Variants in ANKRD11 observed in about 807,000 individuals in gnomAD.
The protein encoded by ANKRD11 is ankyrin repeat domain-containing protein 11.
Under a neutral mutation model 195.7 loss-of-function variants are expected in ANKRD11, and 17 were observed. The ratio of observed to expected loss-of-function variants is 0.09; its 90% CI spans 0.06 to 0.13. The LOEUF is 0.13. Among genes scored for constraint, ANKRD11 ranks in the 10% least tolerant of loss-of-function variants. The pLI is 1.00. For missense variants in ANKRD11, 3,735 were observed against 3,566.1 expected, an observed-to-expected ratio of 1.05 and a Z score of -1.21; for synonymous variants, 1,953 against 1,528.1, an observed-to-expected ratio of 1.28 and a Z score of -6.49.
At chr16:89,467,123 A>G (rs2056912755) in intron 1 of ANKRD11, among the ~76,000 whole-genome samples, 1 of 152,188 alleles carries the variant, frequency 6.6e-6, no homozygotes, top group African/African-American at 2.4e-5. Context: ...TATTGACCAA[A>G]GTTGCCAAAC....
chr16:89,455,650 G>C (rs1342858631), intron 1 of ANKRD11, among the ~76,000 whole-genome samples: 1 of 152,094 alleles, frequency 6.6e-6, no homozygotes, highest in Admixed American at 6.6e-5. Flanking sequence ...GGGCAGGAGA[G>C]AGCTGTGGAG....
intron 2 of ANKRD11, among the ~76,000 whole-genome samples, chr16:89,415,841 A>AAAAAAAAAAAAAAAAAAAAAAC (rs1567774143): frequency 4.1e-5 from 6 of 144,794 alleles, no homozygotes; most frequent in Non-Finnish European, 6.1e-5. Context: ...AAAAAAAAAA[A>AAAAAAAAAAAAAAAAAAAAAAC]AAAAAAAAAC....
intron 2 of ANKRD11, chr16:89,325,129 CAA>C (rs2037624578): frequency 6.5e-6 from 1 of 153,090 alleles, no homozygotes; most frequent in Admixed American, 6.5e-5. Context: ...TGCACAGACA[CAA>C]GAGACACGCG....
chr16:89,319,149 C>T (rs1442999557), intron 2 of ANKRD11, among the ~76,000 whole-genome samples: 4 of 152,210 alleles, frequency 2.6e-5, no homozygotes, highest in African/African-American at 4.8e-5. Flanking sequence ...TAGAGTCCAC[C>T]GTCCTGATCC....
intron 1 of ANKRD11, among the ~76,000 whole-genome samples, chr16:89,432,813 C>T (rs150868906): frequency 8.3e-4 from 126 of 152,086 alleles, no homozygotes; most frequent in Non-Finnish European, 1.6e-3. Context: ...TGGTGGTACA[C>T]GCCTGTGGTC....
chr16:89,304,285 TGCACACATGGGCACACAGGCACACAC>T (rs2036027504), intron 4 of ANKRD11, among the ~76,000 whole-genome samples: 1 of 151,564 alleles, frequency 6.6e-6, no homozygotes, highest in African/African-American at 2.4e-5. Flanking sequence ...CACACAGGCA[TGCACACATGGGCACACAGGCACACAC>T]GTACACATGG....
chr16:89,346,891 A>G (rs2038966092), intron 2 of ANKRD11, among the ~76,000 whole-genome samples: 1 of 152,252 alleles, frequency 6.6e-6, no homozygotes. Context: ...GACTAAACAA[A>G]GTCAAAGGTG....
At chr16:89,427,693 G>T (rs184788876) in intron 1 of ANKRD11, among the ~76,000 whole-genome samples, 114 of 152,106 alleles carry the variant, frequency 7.5e-4, no homozygotes, top group African/African-American at 2.4e-3. Context: ...CAGCTACTTG[G>T]GAGGCTGAGG....
intron 7 of ANKRD11, 153 bp from the exon 8 acceptor site, chr16:89,286,339 A>G: frequency 8.9e-7 from 1 of 1,122,508 alleles, no homozygotes; most frequent in Non-Finnish European, 1.3e-6. Flanking sequence ...GCGCCCAGGG[A>G]CTGCCTGGCG....
intron 1 of ANKRD11, among the ~76,000 whole-genome samples, chr16:89,448,663 C>G (rs1479764394): frequency 1.3e-5 from 2 of 152,184 alleles, no homozygotes; most frequent in East Asian, 3.8e-4. Flanking sequence ...TTTAATTGCA[C>G]AAATTTAATG....
At chr16:89,359,097 TATTCCAAA>T (rs997335100) in intron 2 of ANKRD11, among the ~76,000 whole-genome samples, 1 of 152,160 alleles carries the variant, frequency 6.6e-6, no homozygotes, top group Non-Finnish European at 1.5e-5. Context: ...CAAATTTTAA[TATTCCAAA>T]ATATATAAAA....
intron 1 of ANKRD11, among the ~76,000 whole-genome samples, chr16:89,457,077 A>G (rs1289928775): frequency 1.4e-5 from 2 of 147,300 alleles, no homozygotes; most frequent in African/African-American, 2.5e-5. Flanking sequence ...CTCCTGCCTC[A>G]GCCTCCCAAG....
chr16:89,452,776 T>G (rs930160910), intron 1 of ANKRD11, among the ~76,000 whole-genome samples: 19 of 83,258 alleles, frequency 2.3e-4, no homozygotes, highest in Non-Finnish European at 4.1e-4. Context: ...AGAGACTCTA[T>G]CTCAAAAAAA....
chr16:89,445,156 C>T (rs867984551), intron 1 of ANKRD11, among the ~76,000 whole-genome samples: 1 of 152,246 alleles, frequency 6.6e-6, no homozygotes, highest in African/African-American at 2.4e-5. Context: ...CAAATGTTAA[C>T]GGCTGATTTC....
chr16:89,379,243 A>G (rs2040545813), intron 2 of ANKRD11, among the ~76,000 whole-genome samples: 2 of 152,260 alleles, frequency 1.3e-5, no homozygotes, highest in South Asian at 2.1e-4. Flanking sequence ...TCACAGGCTC[A>G]TGCTTTTTTA....
In ANKRD11 at chr16:89,435,766, C is replaced by G. The variant is rs1016810291; in HGVS notation, c.-144-17398G>C. ...ACTGACTGTCCACTCAAGGAACAGA[C>G]CAACTGACGCACCCACAGCCACCAG... On this transcript the variant is annotated intron_variant, in intron 1 of 12. Coordinates refer to ENST00000301030, the MANE Select transcript of ANKRD11 (RefSeq NM_013275.6). Among the ~76,000 whole-genome samples the G allele has an allele frequency of 5.3e-5, 8 of 150,964 alleles. No homozygotes were observed. In the East Asian group the frequency reaches 7.8e-4, roughly 15 times the overall value.
chr16:89,326,892 C>A (rs1028926478), intron 2 of ANKRD11, among the ~76,000 whole-genome samples: 1 of 152,190 alleles, frequency 6.6e-6, no homozygotes. Flanking sequence ...CACATCTGCA[C>A]GTGGGGCTGA....
chr16:89,353,502 G>C (rs2039319134), intron 2 of ANKRD11, among the ~76,000 whole-genome samples: 1 of 151,888 alleles, frequency 6.6e-6, no homozygotes, highest in South Asian at 2.1e-4. Context: ...TTTTGAGACA[G>C]AGTCTTACTG....
At chr16:89,380,298 G>A (rs1449446722) in intron 2 of ANKRD11, among the ~76,000 whole-genome samples, 2 of 152,174 alleles carry the variant, frequency 1.3e-5, no homozygotes, top group Admixed American at 6.5e-5. Flanking sequence ...TTTTAGTAGA[G>A]ATGGGGTTTC....
Sources: gnomAD v4.1 joint callset for allele counts (sites outside exome capture counted in the v4.1 genomes callset) on GRCh38, gnomAD v4.1.1 for gene constraint, MANE v1.5 for transcripts, NCBI Gene and HGNC (gene_info 2026-07-23, HGNC 2026-07-21) for gene names.